The following RAI14 variants were observed in gnomAD, a reference collection of about 807,000 sequenced individuals.
RAI14 encodes ankycorbin.
Under a neutral mutation model 115.4 loss-of-function variants are expected in RAI14, and 45 were observed. The ratio of observed to expected loss-of-function variants is 0.39; its 90% CI spans 0.31 to 0.50. The LOEUF (loss-of-function observed/expected upper bound fraction) is 0.50. Among genes scored for constraint, RAI14 ranks in the 20% least tolerant of loss-of-function variants. The probability of loss-of-function intolerance (pLI) is 0.85; values close to 1 mark genes in which losing one functional copy is unlikely to be tolerated. For missense variants in RAI14, 939 were observed against 1,131.2 expected (o/e 0.83, Z 2.44); for synonymous variants, 371 against 415.4 (o/e 0.89, Z 1.30).
At chr5:34,830,557 G>A in intron 17 of RAI14, 131 bp from the exon 18 acceptor site, 1 of 1,464,518 alleles carries the variant, frequency 6.8e-7, no homozygotes, top group Non-Finnish European at 9.1e-7. Flanking sequence ...AAATGATAGG[G>A]CTGACATTCC....
intron 2 of RAI14, among the ~76,000 whole-genome samples, chr5:34,737,754 C>A (rs1193500281): frequency 1.3e-5 from 2 of 152,074 alleles, no homozygotes; most frequent in African/African-American, 4.8e-5. Flanking sequence ...GTGAGACCCT[C>A]TCTCAAAAAC....
At chr5:34,780,811 G>A (rs1030638013) in intron 3 of RAI14, among the ~76,000 whole-genome samples, 2 of 152,150 alleles carry the variant, frequency 1.3e-5, no homozygotes, top group African/African-American at 4.8e-5. Context: ...AGACAGTGTG[G>A]TGATTCCTCA....
chr5:34,712,044 A>G lies in RAI14; in HGVS notation c.36+25089A>G, dbSNP rs1741464426. ...GGAACCTATAGATTGAGGGAGCCCC[A>G]ATTTCAAATTTCCTTAGGGCTATCA... On this transcript the variant is annotated intron_variant, in intron 2 of 17. Coordinates refer to ENST00000265109, the MANE Select transcript of RAI14 (RefSeq NM_015577.3). 2.6e-5 allele frequency among the ~76,000 whole-genome samples: 4 copies of G among 152,102 alleles called. No homozygotes were observed. The South Asian group carries it at 8.3e-4, about 32-fold the overall frequency.
At position 34,811,065 on chromosome 5, in the gene RAI14, T is replaced by C. The variant is rs146438811; in HGVS notation, c.504T>C (p.Cys168=). The C allele has an allele frequency of 6.2e-7, 1 of 1,614,030 alleles. No homozygotes were observed. Among genetic ancestry groups the C allele is most frequent in the Non-Finnish European group, 8.5e-7 (1 of 1,180,038 alleles). Reference sequence around the variant, plus strand: ...TACAAAATGGTCACAGTGAGATCTGTCACTTTCTCCTGGATCATGGAGCAG... The same window carrying C: ...TACAAAATGGTCACAGTGAGATCTGCCACTTTCTCCTGGATCATGGAGCAG... ...LAVQNGHSEI[C]HFLLDHGADV... The change falls in exon 8 of 18, where the codon TGT becomes TGC. Residue 168 remains cysteine, a synonymous_variant. Transcript: ENST00000265109.
intron 2 of RAI14, among the ~76,000 whole-genome samples, chr5:34,704,537 C>A (rs1740450587): frequency 2.0e-5 from 3 of 152,122 alleles, no homozygotes; most frequent in Admixed American, 2.0e-4. Context: ...TCCTTATCAG[C>A]AAAATATAAA....
At chr5:34,658,796 CAAATAAAT>C (rs34087162) in intron 1 of RAI14, among the ~76,000 whole-genome samples, 2 of 151,570 alleles carry the variant, frequency 1.3e-5, no homozygotes, top group Admixed American at 6.6e-5. Flanking sequence ...GACTCTGTCT[CAAATAAAT>C]AAATAAATAA....
chr5:34,808,491 A>G (rs1460873138), intron 6 of RAI14, 93 bp from the exon 7 acceptor site: 1 of 1,123,190 alleles, frequency 8.9e-7, no homozygotes, highest in Non-Finnish European at 1.3e-6. Flanking sequence ...TAGAGTGGGT[A>G]GAACATGAAC....
intron 3 of RAI14, among the ~76,000 whole-genome samples, chr5:34,784,346 A>G (rs1006423651): frequency 1.3e-5 from 2 of 152,244 alleles, no homozygotes; most frequent in Non-Finnish European, 2.9e-5. Context: ...CAATTGGTTT[A>G]AATTTAGTTA....
chr5:34,743,550 T>C (rs939725949), intron 2 of RAI14, among the ~76,000 whole-genome samples: 1 of 152,230 alleles, frequency 6.6e-6, no homozygotes, highest in Non-Finnish European at 1.5e-5. Context: ...TAGACATGAA[T>C]GTTTGGAGGA....
chr5:34,701,264 A>T (rs1375130006), intron 2 of RAI14, among the ~76,000 whole-genome samples: 2 of 152,144 alleles, frequency 1.3e-5, no homozygotes, highest in East Asian at 3.9e-4. Context: ...AAAATATTTT[A>T]CCCTAAAATA....
At chr5:34,709,128 T>TAAA (rs1741090455) in intron 2 of RAI14, among the ~76,000 whole-genome samples, 1 of 73,066 alleles carries the variant, frequency 1.4e-5, no homozygotes. Flanking sequence ...AGACCCTATC[T>TAAA]CAAAAAAAAA....
intron 3 of RAI14, among the ~76,000 whole-genome samples, chr5:34,793,099 A>T (rs1753117639): frequency 1.3e-5 from 2 of 152,228 alleles, no homozygotes; most frequent in Non-Finnish European, 2.9e-5. Context: ...GCCATCAAAT[A>T]TATAAATTTA....
intron 2 of RAI14, among the ~76,000 whole-genome samples, chr5:34,755,190 G>A (rs564540160): frequency 9.2e-4 from 140 of 151,864 alleles, no homozygotes; most frequent in African/African-American, 3.0e-3. Flanking sequence ...CAGTTGTTAA[G>A]TTACGCTTTC....
chr5:34,807,597 AAG>A (rs1755078185), intron 5 of RAI14, among the ~76,000 whole-genome samples: 1 of 152,056 alleles, frequency 6.6e-6, no homozygotes, highest in Non-Finnish European at 1.5e-5. Context: ...TGAAGCAGCA[AAG>A]AGGGGAGAGT....
chr5:34,707,495 A>G (rs1740850483), intron 2 of RAI14, among the ~76,000 whole-genome samples: 1 of 152,164 alleles, frequency 6.6e-6, no homozygotes, highest in South Asian at 2.1e-4. Flanking sequence ...AGTCTCATTA[A>G]GCTTTAAAAT....
At chr5:34,807,567 G>A (rs1755073630) in intron 5 of RAI14, among the ~76,000 whole-genome samples, 1 of 152,078 alleles carries the variant, frequency 6.6e-6, no homozygotes, top group African/African-American at 2.4e-5. Context: ...AGTGATGAGG[G>A]AAGGAGAGGA....
At position 34,811,039 on chromosome 5, in the gene RAI14, G is replaced by A. The variant is rs1236072013; in HGVS notation, c.478G>A (p.Val160Ile). 1.2e-6 allele frequency: 2 copies of A among 1,614,020 alleles called. No homozygotes were observed. Among genetic ancestry groups the A allele is most frequent in the South Asian group, 2.2e-5 (2 of 91,054 alleles). Residue 160 changes from valine to isoleucine, a missense_variant, in exon 8 of 18, where the codon GTA (valine) becomes ATA (isoleucine). Coordinates refer to ENST00000265109, the MANE Select transcript of RAI14 (RefSeq NM_015577.3). ...TGGGAATATACCGCTGCTTCTTGCT[G>A]TACAAAATGGTCACAGTGAGATCTG... Reference protein sequence around the residue: ...LDGNIPLLLAVQNGHSEICHF... With the variant: ...LDGNIPLLLAIQNGHSEICHF...
chr5:34,816,650 G>C (rs556298249), intron 12 of RAI14, among the ~76,000 whole-genome samples: 5 of 151,906 alleles, frequency 3.3e-5, no homozygotes, highest in African/African-American at 4.8e-5. Flanking sequence ...CCCTTATTTA[G>C]AATTATTAAA....
chr5:34,766,633 C>G, intron 3 of RAI14, among the ~76,000 whole-genome samples: 1 of 152,104 alleles, frequency 6.6e-6, no homozygotes, highest in East Asian at 1.9e-4. Flanking sequence ...AAGGGACTTG[C>G]CTTGTCTCAG....
Sources: gnomAD v4.1 joint callset for allele counts (sites outside exome capture counted in the v4.1 genomes callset) on GRCh38, gnomAD v4.1.1 for gene constraint, MANE v1.5 for transcripts, NCBI Gene and HGNC (gene_info 2026-07-23, HGNC 2026-07-21) for gene names.